HSF2: variants seen among roughly 807,000 people sequenced by gnomAD.
The protein encoded by HSF2 is heat shock transcription factor 2.
A neutral mutation model predicts 65.0 loss-of-function variants in HSF2; 21 were observed. The ratio of observed to expected loss-of-function variants is 0.32; its 90% CI spans 0.23 to 0.47. The LOEUF (loss-of-function observed/expected upper bound fraction) is 0.47, where lower values mean the gene tolerates loss of function less well. Among genes scored for constraint, HSF2 ranks in the 20% least tolerant of loss-of-function variants. The pLI is 1.00. For missense variants in HSF2, 499 were observed against 628.1 expected (o/e 0.79, Z 2.20); for synonymous variants, 225 against 219.1 (o/e 1.03, Z -0.24).
intron 1 of HSF2, among the ~76,000 whole-genome samples, chr6:122,400,784 A>G (rs376028425): frequency 6.6e-6 from 1 of 152,232 alleles, no homozygotes; most frequent in Non-Finnish European, 1.5e-5. Flanking sequence ...AATCATTTTT[A>G]TGAAGGAAAG....
intron 10 of HSF2, among the ~76,000 whole-genome samples, chr6:122,425,750 T>TATCTCTCTTCTTTTTCC: frequency 6.6e-6 from 1 of 152,198 alleles, no homozygotes; most frequent in Non-Finnish European, 1.5e-5. Context: ...TTACTTTTTC[T>TATCTCTCTTCTTTTTCC]GTCTCTCTTC....
chr6:122,420,720 T>TTG (rs1774215646), intron 7 of HSF2, among the ~76,000 whole-genome samples: 1 of 116,184 alleles, frequency 8.6e-6, no homozygotes, highest in Non-Finnish European at 1.8e-5. Flanking sequence ...TTTTTTTTTT[T>TTG]TTTTTTTTTG....
At chr6:122,402,562 G>T (rs1206234793) in intron 1 of HSF2, among the ~76,000 whole-genome samples, 2 of 144,420 alleles carry the variant, frequency 1.4e-5, no homozygotes, top group African/African-American at 5.1e-5. Flanking sequence ...TATCATATTC[G>T]TTTTTTTTTT....
chr6:122,424,327 C>T (rs1054183931), intron 10 of HSF2, among the ~76,000 whole-genome samples: 11 of 151,906 alleles, frequency 7.2e-5, no homozygotes, highest in Admixed American at 1.3e-4. Flanking sequence ...GGTCTGGTCG[C>T]GCTTAGATGA....
At position 122,422,199 on chromosome 6, in the gene HSF2, A is replaced by G; in HGVS notation, c.731A>G (p.Asp244Gly). Residue 244 changes from aspartate to glycine, a missense_variant, in exon 8 of 13, where the codon GAT becomes GGT. By Grantham distance (94) the Asp-to-Gly change is moderately conservative. This residue lies in a region of HSF2 where 349 missense variants were observed against 393.5 expected (regional missense o/e 0.89). Coordinates refer to ENST00000368455, the MANE Select transcript of HSF2 (RefSeq NM_004506.4). ...EGLKPRERIS[D>G]DIIIYDVTDD... ...TTAAAGCCAAGGGAGAGGATTTCAG[A>G]TGACATCATTATTTATGATGTTACT... is the stretch of plus-strand genomic sequence containing the variant. The G allele has an allele frequency of 1.9e-6, 3 of 1,601,548 alleles. No individual in the cohort carries two copies. Among genetic ancestry groups the G allele is most frequent in the Non-Finnish European group, 2.6e-6 (3 of 1,169,640 alleles).
At chr6:122,418,077 T>A (rs948566607) in intron 5 of HSF2, among the ~76,000 whole-genome samples, 11 of 152,218 alleles carry the variant, frequency 7.2e-5, no homozygotes, top group African/African-American at 2.7e-4. Flanking sequence ...TAGATATTTT[T>A]AATTGATAAT....
chr6:122,412,847 A>G, intron 3 of HSF2, 83 bp downstream of exon 3: 1 of 1,236,516 alleles, frequency 8.1e-7, no homozygotes. Context: ...TGTTGAAAGT[A>G]CAGAAATGCA....
chr6:122,424,612 G>A (rs1427775103), intron 10 of HSF2, among the ~76,000 whole-genome samples: 1 of 151,960 alleles, frequency 6.6e-6, no homozygotes, highest in Non-Finnish European at 1.5e-5. Flanking sequence ...CCTCACAGAG[G>A]GGATTTTACT....
chr6:122,422,769 G>A lies in HSF2; in HGVS notation c.882G>A (p.Glu294=). Residue 294 remains glutamate (E), a synonymous_variant, in exon 9 of 13, where the codon GAG becomes GAA. Transcript: ENST00000368455. ...TCGTTGAAGATGACAATGAAGATGA[G>A]TATGCACCTGTCATTCAGAGTGGAG... ...IVIVEDDNED[E]YAPVIQSGEQ... 6.2e-7 allele frequency: 1 copy of A among 1,613,228 alleles called. No individual in the cohort carries two copies. The highest frequency in any genetic ancestry group is 8.5e-7 in the Non-Finnish European group (1 of 1,179,346).
chr6:122,418,815 G>A (rs905568477), intron 5 of HSF2, among the ~76,000 whole-genome samples: 1 of 152,196 alleles, frequency 6.6e-6, no homozygotes, highest in African/African-American at 2.4e-5. Flanking sequence ...TATTCTGAAG[G>A]AACTGACGGT....
At chr6:122,413,862 A>G (rs1463614555) in intron 4 of HSF2, among the ~76,000 whole-genome samples, 1 of 152,174 alleles carries the variant, frequency 6.6e-6, no homozygotes, top group African/African-American at 2.4e-5. Context: ...TATGATAGTC[A>G]GAAGAAGATA....
intron 4 of HSF2, among the ~76,000 whole-genome samples, chr6:122,415,047 A>G (rs1774092383): frequency 6.6e-6 from 1 of 152,186 alleles, no homozygotes; most frequent in Admixed American, 6.5e-5. Context: ...TTCCTTTTAT[A>G]TTAGTTTGGA....
intron 11 of HSF2, among the ~76,000 whole-genome samples, chr6:122,431,108 C>G (rs1774454730): frequency 1.3e-5 from 2 of 152,036 alleles, no homozygotes; most frequent in Non-Finnish European, 2.9e-5. Context: ...CATTTTGAAA[C>G]CAGTCATCTT....
chr6:122,416,761 T>C (rs1182375872), intron 5 of HSF2, among the ~76,000 whole-genome samples: 1 of 152,232 alleles, frequency 6.6e-6, no homozygotes, highest in African/African-American at 2.4e-5. Context: ...CAATGTATGC[T>C]GTTATTAGTC....
chr6:122,429,201 C>T (rs1227263127), intron 11 of HSF2, among the ~76,000 whole-genome samples: 1 of 151,956 alleles, frequency 6.6e-6, no homozygotes, highest in Non-Finnish European at 1.5e-5. Flanking sequence ...GAATGTTATT[C>T]TCATGGACCA....
At chr6:122,425,688 A>G (rs1035633398) in intron 10 of HSF2, among the ~76,000 whole-genome samples, 13 of 151,656 alleles carry the variant, frequency 8.6e-5, no homozygotes, top group African/African-American at 3.1e-4. Context: ...TCTTTTTTCT[A>G]CTATCTTCTA....
At chr6:122,416,181 A>ATTTTTTTT in intron 4 of HSF2, 40 bp from the exon 5 acceptor site, 1 of 1,198,380 alleles carries the variant, frequency 8.3e-7, no homozygotes, top group African/African-American at 1.5e-5. Flanking sequence ...TTTTTGATTG[A>ATTTTTTTT]TTTTTTTTTT....
rs752716844 is a variant in HSF2 at position 122,399,705 on chromosome 6, T to G, written c.-33T>G. The G allele has an allele frequency of 3.2e-6, 5 of 1,561,696 alleles. No individual in the cohort carries two copies. The highest frequency in any genetic ancestry group is 1.7e-5 in the Admixed American group (1 of 58,488). ...CGCCGCCGCTACCACCGCGTTCGGG[T>G]GTAGAATTTGGAATCCCTGCGCCGC... On this transcript the variant is annotated 5_prime_UTR_variant, in exon 1 of 13. Coordinates refer to ENST00000368455, the MANE Select transcript of HSF2 (RefSeq NM_004506.4).
intron 8 of HSF2, among the ~76,000 whole-genome samples, 169 bp from the exon 9 acceptor site, chr6:122,422,549 T>C (rs1340941087): frequency 6.6e-6 from 1 of 152,218 alleles, no homozygotes; most frequent in Non-Finnish European, 1.5e-5. Context: ...TCAATCTTTA[T>C]GGTCTTCTAT....
Sources: allele counts gnomAD v4.1 joint callset (sites outside exome capture counted in the v4.1 genomes callset), GRCh38; gene constraint gnomAD v4.1.1; regional missense constraint gnomAD v4.1.1; transcripts MANE v1.5; gene names NCBI Gene and HGNC (gene_info 2026-07-23, HGNC 2026-07-21).